Variants in MLIP observed in about 807,000 individuals in gnomAD.
The protein encoded by MLIP is muscular LMNA-interacting protein.
In MLIP, 79 loss-of-function variants were observed where a neutral mutation model predicts 84.8. The ratio of observed to expected loss-of-function variants is 0.93; its 90% confidence interval spans 0.78 to 1.12. The LOEUF (loss-of-function observed/expected upper bound fraction) is 1.12, where lower values mean the gene tolerates loss of function less well. Ranked by LOEUF, MLIP falls within the 50% of genes most tolerant of loss-of-function variation. MLIP has a pLI of 0.00. For synonymous variants in MLIP, 504 were observed against 463.0 expected (o/e 1.09, Z -1.14); for missense variants, 1,257 against 1,160.6 (o/e 1.08, Z -1.21).
chr6:54,249,404 ATGT>A (rs1665017009), intron 12 of MLIP, among the ~76,000 whole-genome samples: 1 of 152,060 alleles, frequency 6.6e-6, no homozygotes, highest in African/African-American at 2.4e-5. Flanking sequence ...ATATTAATAA[ATGT>A]TGTAATATAT....
chr6:54,112,494 A>G (rs2180932), intron 1 of MLIP, among the ~76,000 whole-genome samples: 36,726 of 152,154 alleles, frequency 0.24, 5,427 homozygotes, highest in Middle Eastern at 0.34. Flanking sequence ...CGAATACCAA[A>G]TGATTGCCCT....
intron 1 of MLIP, among the ~76,000 whole-genome samples, chr6:54,116,599 A>G (rs1388119882): frequency 2.0e-5 from 3 of 152,232 alleles, no homozygotes; most frequent in Non-Finnish European, 4.4e-5. Flanking sequence ...TGAATCAGCA[A>G]TAAAATATCT....
At chr6:54,095,209 C>A (rs1768127297) in intron 1 of MLIP, among the ~76,000 whole-genome samples, 1 of 152,092 alleles carries the variant, frequency 6.6e-6, no homozygotes, top group Non-Finnish European at 1.5e-5. Flanking sequence ...TTGCAGCAGG[C>A]AGCCACACAA....
rs778436086 is a variant in MLIP at position 54,124,710 on chromosome 6, G to A, written c.490G>A (p.Gly164Arg). ...AAAAGTTGAACAAGGCCCCCCAGGG[G>A]GGATTGGCACCGCAGCTGTCCGGCC... ...SRKVEQGPPGGIGTAAVRPKS... is the reference protein window; with the variant it reads ...SRKVEQGPPGRIGTAAVRPKS... The change falls in exon 3 of 14, where the codon GGG becomes AGG. Residue 164 changes from glycine (G) to arginine (R), a missense_variant. By Grantham distance (125) the Gly-to-Arg change is moderately radical (BLOSUM62 -2). Coordinates refer to ENST00000502396, the MANE Select transcript of MLIP (RefSeq NM_001281747.2). The A allele has an allele frequency of 1.2e-6, 2 of 1,614,078 alleles. No homozygotes were observed. The highest frequency in any genetic ancestry group is 2.7e-5 in the African/African-American group (2 of 74,944).
intron 4 of MLIP, among the ~76,000 whole-genome samples, chr6:54,144,692 T>C (rs1324790049): frequency 6.6e-6 from 1 of 152,190 alleles, no homozygotes; most frequent in Non-Finnish European, 1.5e-5. Context: ...TCCTAACAGG[T>C]ACCAGTTTAT....
intron 1 of MLIP, among the ~76,000 whole-genome samples, chr6:54,076,836 G>A (rs1445923843): frequency 6.6e-6 from 1 of 152,062 alleles, no homozygotes; most frequent in Non-Finnish European, 1.5e-5. Context: ...GTTTTCTAGG[G>A]GTGAGGGTAA....
At chr6:54,144,256 G>C (rs1772585460) in intron 4 of MLIP, among the ~76,000 whole-genome samples, 1 of 152,154 alleles carries the variant, frequency 6.6e-6, no homozygotes, top group African/African-American at 2.4e-5. Flanking sequence ...GATCACCGAG[G>C]AGCAGAAAGT....
At position 54,138,242 on chromosome 6, in the gene MLIP, T is replaced by A; in HGVS notation, c.2173T>A (p.Cys725Ser). The A allele has an allele frequency of 6.5e-7, 1 of 1,536,082 alleles. No individual in the cohort carries two copies. The highest frequency in any genetic ancestry group is 8.7e-7 in the Non-Finnish European group (1 of 1,146,850). ...AAGGACAGAGGAGCTGATTTCACCT[T>A]GTGCATTGTCCATGTCAACAGGCCC... ...LTRTEELISP[C>S]ALSMSTGPEN... Residue 725 changes from cysteine (C) to serine (S), a missense_variant, in exon 4 of 14, where the codon TGT becomes AGT. Cys to Ser is a moderately radical substitution (Grantham distance 112). Transcript: ENST00000502396.
At chr6:54,232,871 T>TA (rs768612504) in intron 12 of MLIP, among the ~76,000 whole-genome samples, 13 of 152,136 alleles carry the variant, frequency 8.5e-5, no homozygotes, top group Admixed American at 3.3e-4. Flanking sequence ...GAACTTGTCT[T>TA]ACCAGTCTTT....
At chr6:54,169,671 G>A in intron 9 of MLIP, 99 bp downstream of exon 9, 1 of 717,984 alleles carries the variant, frequency 1.4e-6, no homozygotes, top group East Asian at 3.4e-5. Flanking sequence ...AGAATTAATT[G>A]TTTTTTTATA....
intron 1 of MLIP, among the ~76,000 whole-genome samples, chr6:54,033,298 G>T (rs9474706): frequency 0.013 from 1,936 of 147,734 alleles, 54 homozygotes; most frequent in African/African-American, 0.044. Flanking sequence ...ATGGAGTCTC[G>T]CTCTGTTGCC....
intron 3 of MLIP, among the ~76,000 whole-genome samples, chr6:54,131,174 T>C (rs772351145): frequency 2.0e-5 from 3 of 152,192 alleles, no homozygotes; most frequent in Non-Finnish European, 4.4e-5. Flanking sequence ...TTTCTCCTGG[T>C]TTCTGTAGAT....
chr6:54,143,041 T>C (rs1326740809), intron 4 of MLIP, among the ~76,000 whole-genome samples: 1 of 152,140 alleles, frequency 6.6e-6, no homozygotes, highest in Non-Finnish European at 1.5e-5. Context: ...TCCAGGCTTC[T>C]TTCAGCTATG....
chr6:54,256,594 T>G (rs542896163), intron 12 of MLIP, among the ~76,000 whole-genome samples: 3 of 152,170 alleles, frequency 2.0e-5, no homozygotes, highest in Non-Finnish European at 4.4e-5. Context: ...TCTCTTTGTG[T>G]GTGTCTCTTA....
chr6:54,117,123 A>G (rs138232657), intron 1 of MLIP, among the ~76,000 whole-genome samples: 113 of 152,292 alleles, frequency 7.4e-4, no homozygotes, highest in African/African-American at 2.6e-3. Context: ...TATATGGCAA[A>G]TCCATAGCTA....
At chr6:54,099,110 C>T (rs1481981793) in intron 1 of MLIP, among the ~76,000 whole-genome samples, 2 of 152,146 alleles carry the variant, frequency 1.3e-5, no homozygotes, top group Non-Finnish European at 2.9e-5. Context: ...TAATGATCAT[C>T]TATTCTTCTT....
At chr6:54,025,145 G>C (rs372070727) in intron 1 of MLIP, among the ~76,000 whole-genome samples, 1 of 151,972 alleles carries the variant, frequency 6.6e-6, no homozygotes, top group South Asian at 2.1e-4. Flanking sequence ...CGTTGCGCCC[G>C]GCCTGTAACA....
chr6:54,128,673 G>A (rs974160425), intron 3 of MLIP, among the ~76,000 whole-genome samples: 64 of 152,216 alleles, frequency 4.2e-4, no homozygotes, highest in African/African-American at 1.5e-3. Flanking sequence ...AGGAAAAGGA[G>A]GTCATGCATT....
intron 8 of MLIP, among the ~76,000 whole-genome samples, chr6:54,165,409 T>A (rs527816216): frequency 6.6e-6 from 1 of 152,034 alleles, no homozygotes; most frequent in Admixed American, 6.6e-5. Flanking sequence ...TATAGTTAAC[T>A]ATTTTCTCCC....
Sources: allele counts gnomAD v4.1 joint callset (sites outside exome capture counted in the v4.1 genomes callset), GRCh38; gene constraint gnomAD v4.1.1; transcripts MANE v1.5; gene names NCBI Gene and HGNC (gene_info 2026-07-23, HGNC 2026-07-21).